SLC24A2: variants seen among roughly 807,000 people sequenced by gnomAD.
The protein encoded by SLC24A2 is solute carrier family 24 member 2.
SLC24A2 carries 36 observed loss-of-function variants against 62.0 expected under a neutral mutation model. The observed-to-expected ratio is 0.58, with a 90% CI of 0.44 to 0.77. The LOEUF (loss-of-function observed/expected upper bound fraction) is 0.77. Among genes scored for constraint, SLC24A2 ranks in the 30% least tolerant of loss-of-function variants. The probability of loss-of-function intolerance (pLI) is 0.00; values close to 1 mark genes in which losing one functional copy is unlikely to be tolerated. For synonymous variants in SLC24A2, 358 were observed against 294.0 expected, an observed-to-expected ratio of 1.22 and a Z score of -2.23; for missense variants, 846 against 817.9, an observed-to-expected ratio of 1.03 and a Z score of -0.42.
the SLC24A2 span, among the ~76,000 whole-genome samples, chr9:19,844,953 C>T: frequency 1.6e-3 from 130 of 82,826 alleles, 1 homozygote; most frequent in African/African-American, 4.8e-3. Context: ...AATGTAATGC[C>T]TCTGGCTTTT....
the SLC24A2 span, among the ~76,000 whole-genome samples, chr9:19,820,042 CATATATATATATACACATATAT>C: frequency 0.086 from 2,839 of 32,830 alleles, 60 homozygotes; most frequent in Admixed American, 0.15. Context: ...TATATATATA[CATATATATATATACACATATAT>C]ATATATATAT....
At chr9:19,895,711 C>T in the SLC24A2 span, 1 of 1,196,158 alleles carries the variant, frequency 8.4e-7, no homozygotes. Context: ...GTGGCTCTAG[C>T]CTGGGGCCTG....
chr9:20,186,937 T>C, the SLC24A2 span, among the ~76,000 whole-genome samples: 1 of 152,138 alleles, frequency 6.6e-6, no homozygotes, highest in Non-Finnish European at 1.5e-5. Context: ...GAGTGGAGCA[T>C]GGGGATCAAG....
At chr9:19,702,604 A>G (rs1820388612) in intron 2 of SLC24A2, among the ~76,000 whole-genome samples, 1 of 152,214 alleles carries the variant, frequency 6.6e-6, no homozygotes, top group Non-Finnish European at 1.5e-5. Context: ...AATAGCTACA[A>G]TAACAACTGA....
chr9:19,851,000 TACACATACATATATATATATATAC>T, the SLC24A2 span, among the ~76,000 whole-genome samples: 174 of 45,046 alleles, frequency 3.9e-3, 6 homozygotes, highest in Admixed American at 4.8e-3. Context: ...TATATATATA[TACACATACATATATATATATATAC>T]ATATTTTTTT....
chr9:20,088,316 G>C, the SLC24A2 span, among the ~76,000 whole-genome samples: 3 of 152,226 alleles, frequency 2.0e-5, no homozygotes, highest in African/African-American at 7.2e-5. Context: ...GGGAGGGGCA[G>C]GCTGCCGGCT....
the SLC24A2 span, among the ~76,000 whole-genome samples, chr9:20,123,134 G>A: frequency 6.6e-6 from 1 of 152,160 alleles, no homozygotes; most frequent in African/African-American, 2.4e-5. Context: ...GGCAGATTCA[G>A]TATCTAGTGA....
chr9:19,719,130 T>C (rs1820950223), intron 2 of SLC24A2, among the ~76,000 whole-genome samples: 1 of 152,136 alleles, frequency 6.6e-6, no homozygotes, highest in African/African-American at 2.4e-5. Context: ...TGCTAAGACT[T>C]TATTGCTTGA....
chr9:19,837,369 G>A, the SLC24A2 span, among the ~76,000 whole-genome samples: 201 of 141,966 alleles, frequency 1.4e-3, 2 homozygotes, highest in African/African-American at 4.9e-3. Context: ...GGAGAATGGC[G>A]TGAACCCGGG....
At chr9:19,527,706 T>A (rs1178306253) in intron 9 of SLC24A2, among the ~76,000 whole-genome samples, 1 of 152,012 alleles carries the variant, frequency 6.6e-6, no homozygotes, top group Non-Finnish European at 1.5e-5. Context: ...GTGAGGTGAG[T>A]GGCTGCTCAA....
the SLC24A2 span, among the ~76,000 whole-genome samples, chr9:20,001,938 A>G: frequency 6.6e-6 from 1 of 152,212 alleles, no homozygotes; most frequent in Non-Finnish European, 1.5e-5. Context: ...AAGTCCACAT[A>G]AGAATACTAA....
chr9:19,990,521 G>C, the SLC24A2 span, among the ~76,000 whole-genome samples: 1 of 150,484 alleles, frequency 6.6e-6, no homozygotes, highest in Non-Finnish European at 1.5e-5. Context: ...TGAGGCAGGG[G>C]AATCACTTGA....
the SLC24A2 span, among the ~76,000 whole-genome samples, chr9:20,103,323 T>A: frequency 6.6e-6 from 1 of 152,138 alleles, no homozygotes. Context: ...AAAGTCCCTG[T>A]CTGACAGCTT....
At chr9:19,750,404 C>A (rs1821949217) in intron 2 of SLC24A2, among the ~76,000 whole-genome samples, 1 of 152,068 alleles carries the variant, frequency 6.6e-6, no homozygotes. Flanking sequence ...CTACAGATAG[C>A]ATGCGAAGAC....
At chr9:19,932,212 C>T in the SLC24A2 span, among the ~76,000 whole-genome samples, 99 of 152,206 alleles carry the variant, frequency 6.5e-4, no homozygotes, top group Admixed American at 4.4e-3. Context: ...TATTTTTGTT[C>T]TGAAATGGTC....
At chr9:19,706,570 G>C (rs915391973) in intron 2 of SLC24A2, among the ~76,000 whole-genome samples, 42 of 151,930 alleles carry the variant, frequency 2.8e-4, no homozygotes, top group African/African-American at 1.0e-3. Context: ...AGTAGAGACG[G>C]GGTTTCACCG....
chr9:20,037,151 G>A, the SLC24A2 span, among the ~76,000 whole-genome samples: 1 of 151,346 alleles, frequency 6.6e-6, no homozygotes, highest in Non-Finnish European at 1.5e-5. Context: ...ACCCACCTCG[G>A]CCTCCCAAAG....
rs1301690922 is a variant in SLC24A2 at position 19,566,773 on chromosome 9, T to C, written c.1347+6578A>G. Among the ~76,000 whole-genome samples, 4 of 152,182 alleles carry C rather than the reference T, an allele frequency of 2.6e-5. No individual in the cohort carries two copies. The South Asian group carries it at 6.2e-4, about 24-fold the overall frequency. ...GGCACATATACACCATGGAATACTA[T>C]GCAGCCATAAAAAAGGATGAGTTCA... On this transcript the variant is annotated intron_variant, in intron 7 of 10. Transcript: ENST00000341998.
chr9:20,195,765 T>C, the SLC24A2 span, among the ~76,000 whole-genome samples: 1 of 152,070 alleles, frequency 6.6e-6, no homozygotes, highest in African/African-American at 2.4e-5. Context: ...GAAGCAAAAT[T>C]AATTTCCCAC....
Sources: gnomAD v4.1 joint callset for allele counts (sites outside exome capture counted in the v4.1 genomes callset) on GRCh38, gnomAD v4.1.1 for gene constraint, MANE v1.5 for transcripts, NCBI Gene and HGNC (gene_info 2026-07-23, HGNC 2026-07-21) for gene names.